Variants in CCNE1 observed in about 807,000 individuals in gnomAD.
The protein encoded by CCNE1 is G1/S-specific cyclin-E1.
In CCNE1, 8 loss-of-function variants were observed where a neutral mutation model predicts 54.1. That is an observed-to-expected ratio of 0.15 (90% CI 0.09 to 0.27). The LOEUF (loss-of-function observed/expected upper bound fraction) is 0.27, where lower values mean the gene tolerates loss of function less well. CCNE1 is among the 10% of genes least tolerant of loss of function. CCNE1 has a pLI of 1.00. For synonymous variants in CCNE1, 179 were observed against 185.2 expected (o/e 0.97, Z 0.27); for missense variants, 430 against 514.9 (o/e 0.84, Z 1.60).
At chr19:29,821,863 A>C (rs763352145) in intron 8 of CCNE1, 46 bp downstream of exon 8, 1 of 1,521,778 alleles carries the variant, frequency 6.6e-7, no homozygotes. Context: ...TGCGTACGGC[A>C]GATCTTTTCC....
chr19:29,821,549 T>C (rs1299907336), intron 7 of CCNE1, among the ~76,000 whole-genome samples, 173 bp from the exon 8 acceptor site: 10 of 16,268 alleles, frequency 6.1e-4, no homozygotes, highest in Admixed American at 4.3e-3. Context: ...GTTGTGTTCT[T>C]TTTTTTTTTT....
chr19:29,812,007 G>C lies in CCNE1; in HGVS notation c.-170G>C, dbSNP rs1973893703. On this transcript the variant is annotated 5_prime_UTR_variant, in exon 1 of 12. Coordinates refer to ENST00000262643, the MANE Select transcript of CCNE1 (RefSeq NM_001238.4). ...GCCGGGCGCAGGAGCAGCCGGCGCG[G>C]CCGCCAGCGCGGTGTAGGGGGCAGG... is the stretch of plus-strand genomic sequence containing the variant. 6.8e-6 allele frequency: 1 copy of C among 147,422 alleles called. No individual in the cohort carries two copies. Among genetic ancestry groups the C allele is most frequent in the South Asian group, 1.8e-4 (1 of 5,468 alleles). The allele number at this position is 147,422 out of a possible 1,614,324, so 9.1% of individuals were successfully genotyped here.
At chr19:29,818,509 A>C (rs1333930714) in intron 6 of CCNE1, among the ~76,000 whole-genome samples, 1 of 152,204 alleles carries the variant, frequency 6.6e-6, no homozygotes, top group Non-Finnish European at 1.5e-5. Flanking sequence ...CCTGTTTTAT[A>C]GCTACTGTCA....
chr19:29,813,455 TA>T, intron 4 of CCNE1: 1 of 170,720 alleles, frequency 5.9e-6, no homozygotes, highest in South Asian at 1.7e-4. Flanking sequence ...CCTGGGTGTT[TA>T]TAAGCAACAA....
In CCNE1 at chr19:29,822,468, G is replaced by A. The variant is rs1352742975; in HGVS notation, c.975G>A (p.Glu325=). ...CAGGGTATCAGTGGTGCGACATAGAGAACTGTGTCAAGTGGATGGTTCCAT... is the reference window on the plus strand; with the variant it reads ...CAGGGTATCAGTGGTGCGACATAGAAAACTGTGTCAAGTGGATGGTTCCAT... ...KVSGYQWCDI[E]NCVKWMVPFA... is the part of the protein sequence containing the mutation. Residue 325 remains glutamate, a synonymous_variant, in exon 11 of 12, where the codon GAG becomes GAA. Coordinates refer to ENST00000262643, the MANE Select transcript of CCNE1 (RefSeq NM_001238.4). The A allele has an allele frequency of 2.5e-6, 4 of 1,614,124 alleles. No homozygotes were observed. The highest frequency in any genetic ancestry group is 3.4e-6 in the Non-Finnish European group (4 of 1,179,998).
chr19:29,814,579 A>G (rs1568367284), intron 4 of CCNE1, among the ~76,000 whole-genome samples: 1 of 152,244 alleles, frequency 6.6e-6, no homozygotes, highest in Non-Finnish European at 1.5e-5. Context: ...TTAGCTGTCT[A>G]TGTATGGAGC....
At chr19:29,812,841 C>T in intron 3 of CCNE1, 65 bp downstream of exon 3, 3 of 1,586,054 alleles carry the variant, frequency 1.9e-6, no homozygotes, top group Non-Finnish European at 1.7e-6. Context: ...CGACTTGGCT[C>T]TGCCTACGGG....
At position 29,823,783 on chromosome 19, in the gene CCNE1, C is replaced by A. The variant is rs748164154; in HGVS notation, c.*6C>A. On this transcript the variant is annotated 3_prime_UTR_variant, in exon 12 of 12. Coordinates refer to ENST00000262643, the MANE Select transcript of CCNE1 (RefSeq NM_001238.4). ...GCGGGCCGGAAATGGCGTGACCACCCCATCCTTCTCCACCAAAGACAGTTG... is the reference window on the plus strand; with the variant it reads ...GCGGGCCGGAAATGGCGTGACCACCACATCCTTCTCCACCAAAGACAGTTG... 1.2e-6 allele frequency: 2 copies of A among 1,606,490 alleles called. No individual in the cohort carries two copies. The highest frequency in any genetic ancestry group is 1.7e-5 in the Admixed American group (1 of 58,628).
intron 4 of CCNE1, 107 bp from the exon 5 acceptor site, chr19:29,817,030 T>G: frequency 8.7e-7 from 1 of 1,148,472 alleles, no homozygotes. Flanking sequence ...CTTTCAGAAG[T>G]CATGCCTAGT....
chr19:29,816,974 C>A (rs749569036), intron 4 of CCNE1, among the ~76,000 whole-genome samples, 163 bp from the exon 5 acceptor site: 6 of 151,680 alleles, frequency 4.0e-5, no homozygotes, highest in Non-Finnish European at 8.8e-5. Flanking sequence ...TTAAAAAAAT[C>A]TTTGAGTTGT....
At position 29,817,206 on chromosome 19, in the gene CCNE1, G is replaced by A; in HGVS notation, c.250G>A (p.Asp84Asn). The A allele has an allele frequency of 6.2e-7, 1 of 1,614,156 alleles. No homozygotes were observed. The highest frequency in any genetic ancestry group is 8.5e-7 in the Non-Finnish European group (1 of 1,180,020). Residue 84 changes from aspartate (D) to asparagine (N), a missense_variant, in exon 5 of 12, where the codon GAC becomes AAC. By Grantham distance (23) the Asp-to-Asn change is conservative. Coordinates refer to ENST00000262643, the MANE Select transcript of CCNE1 (RefSeq NM_001238.4). Reference sequence around the variant, plus strand: ...CCCCACACCTGACAAAGAAGATGATGACCGGGTTTACCCAAACTCAACGTG... The same window carrying A: ...CCCCACACCTGACAAAGAAGATGATAACCGGGTTTACCCAAACTCAACGTG... ...LIPTPDKEDD[D>N]RVYPNSTCKP...
In CCNE1 at chr19:29,816,155, C is replaced by CAAA. The variant is rs756490349; in HGVS notation, c.181-966_181-964dup. On this transcript the variant is annotated intron_variant, in intron 4 of 11. Coordinates refer to ENST00000262643, the MANE Select transcript of CCNE1 (RefSeq NM_001238.4). The stretch of plus-strand genomic sequence containing the variant: ...TGGGGAACAGAGGGAGACCCTCTCT[C>CAAA]AAAAAAAAAAAAAAAAAAGCCAAGT... Among the ~76,000 whole-genome samples the CAAA allele has an allele frequency of 6.4e-3, 469 of 73,230 alleles. 7 individuals carry two copies. Among genetic ancestry groups the CAAA allele is most frequent in the African/African-American group, 0.021 (427 of 20,026 alleles). The allele number at this position is 73,230 out of a possible 152,430, so 48.0% of individuals were successfully genotyped here. A position where few individuals can be genotyped will look rare whatever the true frequency, so the allele number is the denominator to read the frequency against.
At chr19:29,812,452 G>GCCGC (rs1973912018) in intron 1 of CCNE1, 80 bp from the exon 2 acceptor site, 1 of 1,030,708 alleles carries the variant, frequency 9.7e-7, no homozygotes, top group African/African-American at 1.7e-5. Flanking sequence ...GGCTCGCCCG[G>GCCGC]CCGCCCGCGC....
At chr19:29,818,322 T>G (rs988808601) in intron 6 of CCNE1, among the ~76,000 whole-genome samples, 3 of 151,858 alleles carry the variant, frequency 2.0e-5, no homozygotes, top group South Asian at 2.1e-4. Flanking sequence ...CACCGCACCC[T>G]GCCTAATTTT....
At chr19:29,819,918 G>A (rs1974110917) in intron 6 of CCNE1, among the ~76,000 whole-genome samples, 1 of 152,204 alleles carries the variant, frequency 6.6e-6, no homozygotes, top group South Asian at 2.1e-4. Context: ...CGCAGGAGAT[G>A]CCTGAAGCCA....
chr19:29,818,151 C>T (rs1269555469), intron 6 of CCNE1, among the ~76,000 whole-genome samples: 1 of 151,404 alleles, frequency 6.6e-6, no homozygotes, highest in Non-Finnish European at 1.5e-5. Context: ...CTCAGCCTCC[C>T]GAGTAGCTGG....
intron 4 of CCNE1, among the ~76,000 whole-genome samples, chr19:29,814,400 G>T (rs1159536412): frequency 6.6e-6 from 1 of 152,176 alleles, no homozygotes; most frequent in East Asian, 1.9e-4. Context: ...CCTGAGCAGT[G>T]ACGAGGGTGC....
chr19:29,823,489 C>T (rs1402516566), intron 11 of CCNE1, among the ~76,000 whole-genome samples, 166 bp from the exon 12 acceptor site: 6 of 151,158 alleles, frequency 4.0e-5, no homozygotes, highest in African/African-American at 1.5e-4. Flanking sequence ...GTGGAAGTTG[C>T]AGTAAGCCGA....
At position 29,821,728 on chromosome 19, in the gene CCNE1, T is replaced by C. The variant is rs534391061; in HGVS notation, c.616T>C (p.Tyr206His). The C allele has an allele frequency of 1.9e-6, 3 of 1,602,484 alleles. No homozygotes were observed. The highest frequency in any genetic ancestry group is 2.2e-5 in the East Asian group (1 of 44,832). The stretch of plus-strand genomic sequence containing the variant: ...ATCTTTTATTTCCTTTCAGGAAATC[T>C]ATCCTCCAAAGTTGCACCAGTTTGC... ...LFIAAKLEEI[Y>H]PPKLHQFAYV... Residue 206 changes from tyrosine to histidine, a missense_variant, in exon 8 of 12, where the codon TAT (tyrosine) becomes CAT (histidine). By Grantham distance (83) the Tyr-to-His change is moderately conservative (BLOSUM62 2). Coordinates refer to ENST00000262643, the MANE Select transcript of CCNE1 (RefSeq NM_001238.4).
Sources: gnomAD v4.1 joint callset for allele counts (sites outside exome capture counted in the v4.1 genomes callset) on GRCh38, gnomAD v4.1.1 for gene constraint, MANE v1.5 for transcripts, NCBI Gene and HGNC (gene_info 2026-07-23, HGNC 2026-07-21) for gene names.